VAC14: variants seen among roughly 807,000 people sequenced by gnomAD.
The protein encoded by VAC14 is protein VAC14 homolog.
In VAC14, 47 loss-of-function variants were observed where a neutral mutation model predicts 85.3. That is an observed-to-expected ratio of 0.55 (90% CI 0.44 to 0.70). The LOEUF (loss-of-function observed/expected upper bound fraction) is 0.70, where lower values mean the gene tolerates loss of function less well. Among genes scored for constraint, VAC14 ranks in the 30% least tolerant of loss-of-function variants. VAC14 has a pLI of 0.00. For synonymous variants in VAC14, 447 were observed against 430.5 expected, an observed-to-expected ratio of 1.04 and a Z score of -0.47; for missense variants, 861 against 1,004.3, an observed-to-expected ratio of 0.86 and a Z score of 1.93.
At chr16:70,737,291 C>T (rs75074962) in intron 13 of VAC14, among the ~76,000 whole-genome samples, 2,630 of 152,316 alleles carry the variant, frequency 0.017, 34 homozygotes, top group Middle Eastern at 0.041. Context: ...CGCCCTCCAA[C>T]ACTGCGCTCC....
At chr16:70,759,154 TGCGAGCAGTG>T (rs2032112808) in intron 12 of VAC14, among the ~76,000 whole-genome samples, 1 of 152,252 alleles carries the variant, frequency 6.6e-6, no homozygotes, top group Non-Finnish European at 1.5e-5. Flanking sequence ...CACTGTCCCC[TGCGAGCAGTG>T]GCTCTCAGCG....
At position 70,721,916 on chromosome 16, in the gene VAC14, C is replaced by T. The variant is rs559835868; in HGVS notation, c.1661+9579G>A. On this transcript the variant is annotated intron_variant, in intron 14 of 18. Coordinates refer to ENST00000261776, the MANE Select transcript of VAC14 (RefSeq NM_018052.5). ...ACCATCAGGCCATCACTCTCTCTTT[C>T]CCCACAGCACAGGAGCACAGGACCC... Among the ~76,000 whole-genome samples the T allele has an allele frequency of 2.6e-5, 4 of 152,282 alleles. No individual in the cohort carries two copies. In the South Asian group the frequency reaches 8.3e-4, roughly 32 times the overall value.
intron 1 of VAC14, among the ~76,000 whole-genome samples, chr16:70,794,903 A>G (rs2034480177): frequency 1.3e-5 from 2 of 152,262 alleles, no homozygotes; most frequent in South Asian, 4.1e-4. Context: ...GGTCAACAAC[A>G]GACTGCATAT....
Position 70,762,486 on chromosome 16 carries a change from A to G in VAC14, c.1371+54T>C, listed in dbSNP as rs1597963357. ...AATAAGCATATCTCAGTCACTAACA[A>G]GGGGAGGCAGGGCAGCCGATGTTCC... On this transcript the variant is annotated intron_variant, in intron 12 of 18. Transcript: ENST00000261776. The surrounding 1 kb of genome is among the most constrained non-coding windows in gnomAD (Gnocchi z 4.1). The G allele has an allele frequency of 6.5e-7, 1 of 1,544,980 alleles. No homozygotes were observed. Among genetic ancestry groups the G allele is most frequent in the Non-Finnish European group, 8.9e-7 (1 of 1,118,964 alleles).
rs901792169 is a variant in VAC14, at chr16:70,693,030, C to T, written c.2036-59G>A. 21 of 1,564,078 alleles carry T rather than the reference C, an allele frequency of 1.3e-5. No individual in the cohort carries two copies. The African/African-American group carries it at 2.0e-4, about 15-fold the overall frequency. ...GGCACTGCTCTGGGACACGCCCAGC[C>T]CACACTGCCTGCCTCCGACTGGCCA... On this transcript the variant is annotated intron_variant, in intron 17 of 18. Coordinates refer to ENST00000261776, the MANE Select transcript of VAC14 (RefSeq NM_018052.5).
intron 15 of VAC14, 74 bp downstream of exon 15, chr16:70,698,563 G>C: frequency 6.4e-7 from 1 of 1,564,614 alleles, no homozygotes; most frequent in East Asian, 2.3e-5. Context: ...GGCCAGCCGA[G>C]GGGCGGGCTC....
intron 13 of VAC14, among the ~76,000 whole-genome samples, chr16:70,741,391 G>A (rs1012033125): frequency 2.6e-5 from 4 of 151,914 alleles, no homozygotes; most frequent in African/African-American, 4.9e-5. Flanking sequence ...CAGCGGAGGT[G>A]GGGGGGCGGG....
At chr16:70,701,438 C>T (rs752498814) in intron 14 of VAC14, among the ~76,000 whole-genome samples, 5 of 152,294 alleles carry the variant, frequency 3.3e-5, no homozygotes, top group Middle Eastern at 3.4e-3. Flanking sequence ...GCCCAAACCA[C>T]GAGTCATCCT....
rs1179377414 is a variant in VAC14 at position 70,762,576 on chromosome 16, G to A, written c.1335C>T (p.Pro445=). 1 of 1,614,022 alleles carries A rather than the reference G, an allele frequency of 6.2e-7. No homozygotes were observed. The highest frequency in any genetic ancestry group is 1.1e-5 in the South Asian group (1 of 91,052). Residue 445 remains proline, a synonymous_variant, in exon 12 of 19, where the codon CCC becomes CCT. Coordinates refer to ENST00000261776, the MANE Select transcript of VAC14 (RefSeq NM_018052.5). This position sits in a 1 kb window ranked among gnomAD's most constrained non-coding sequence, Gnocchi z 4.1. ...CATCCGATAACGTCTGCAGTAGGAT[G>A]GGAAAGAGGCTGTCCGTGTGCCGGA... ...KMFRHTDSLF[P]ILLQTLSDES...
chr16:70,783,356 C>T, intron 6 of VAC14, 89 bp downstream of exon 6: 2 of 1,356,038 alleles, frequency 1.5e-6, no homozygotes, highest in Non-Finnish European at 2.1e-6. Flanking sequence ...TTCCTGCCCT[C>T]CTGCCGCGGC....
At chr16:70,737,833 C>T (rs756603835) in intron 13 of VAC14, among the ~76,000 whole-genome samples, 6 of 152,330 alleles carry the variant, frequency 3.9e-5, no homozygotes, top group East Asian at 1.9e-4. Flanking sequence ...GTACATAACG[C>T]GAGTTACAGT....
rs2033551727 is a variant in VAC14 at position 70,776,962 on chromosome 16, C to A, written c.1096+3828G>T. On this transcript the variant is annotated intron_variant, in intron 9 of 18. Coordinates refer to ENST00000261776, the MANE Select transcript of VAC14 (RefSeq NM_018052.5). ...AGCTTGGACTATAGGCATGCACCAC[C>A]ATGACTGGCTAATTTTTTGTATTTT... Among the ~76,000 whole-genome samples, 3 of 152,156 alleles carry A rather than the reference C, an allele frequency of 2.0e-5. 1 individual carries two copies. Among genetic ancestry groups the A allele is most frequent in the African/African-American group, 7.2e-5 (3 of 41,492 alleles).
At chr16:70,747,743 G>C (rs2031032126) in intron 12 of VAC14, 1 of 152,210 alleles carries the variant, frequency 6.6e-6, no homozygotes, top group South Asian at 2.1e-4. Context: ...ACACACCTCT[G>C]GGCGGCCAAC....
intron 17 of VAC14, among the ~76,000 whole-genome samples, chr16:70,694,435 C>T (rs1186215208): frequency 6.6e-6 from 1 of 152,196 alleles, no homozygotes; most frequent in Non-Finnish European, 1.5e-5. Context: ...CTCCCCCCTG[C>T]TCTTCTGTCT....
At chr16:70,773,098 T>C (rs1468435705) in intron 9 of VAC14, 1 of 152,210 alleles carries the variant, frequency 6.6e-6, no homozygotes, top group African/African-American at 2.4e-5. Context: ...TAATGGCTAA[T>C]GGATTCTTTC....
chr16:70,771,685 C>T (rs1231725810), intron 10 of VAC14: 2 of 164,748 alleles, frequency 1.2e-5, no homozygotes, highest in Non-Finnish European at 2.6e-5. Context: ...CTCAAGTGAT[C>T]CTCCCACCTC....
intron 14 of VAC14, among the ~76,000 whole-genome samples, chr16:70,704,883 C>G (rs1257989291): frequency 6.6e-6 from 1 of 152,184 alleles, no homozygotes; most frequent in East Asian, 1.9e-4. Context: ...GTGCTCCGCC[C>G]TAGGGAAGCT....
rs984923527 is a variant in VAC14 at position 70,698,563 on chromosome 16, G to T, written c.1836+74C>A. On this transcript the variant is annotated intron_variant, in intron 15 of 18. Coordinates refer to ENST00000261776, the MANE Select transcript of VAC14 (RefSeq NM_018052.5). ...CTGAGAGCCTCCTGGGGCCAGCCGA[G>T]GGGCGGGCTCACACAGGGTGTGCCC... is the stretch of plus-strand genomic sequence containing the variant. 7 of 1,564,610 alleles carry T rather than the reference G, an allele frequency of 4.5e-6. No homozygotes were observed. The South Asian group carries it at 8.0e-5, about 18-fold the overall frequency.
intron 9 of VAC14, among the ~76,000 whole-genome samples, chr16:70,774,386 C>T (rs1373302083): frequency 3.3e-5 from 5 of 152,128 alleles, no homozygotes; most frequent in Non-Finnish European, 7.3e-5. Context: ...GGAAGTGCTG[C>T]GCCTCAGTGC....
Sources: allele counts gnomAD v4.1 joint callset (sites outside exome capture counted in the v4.1 genomes callset), GRCh38; gene constraint gnomAD v4.1.1; non-coding constraint Gnocchi (gnomAD v3.1); transcripts MANE v1.5; gene names NCBI Gene and HGNC (gene_info 2026-07-23, HGNC 2026-07-21).